The following MID1 variants were observed in gnomAD, a reference collection of about 807,000 sequenced individuals.
MID1 encodes the protein E3 ubiquitin-protein ligase Midline-1.
A neutral mutation model predicts 40.4 loss-of-function variants in MID1; 7 were observed. That is an observed-to-expected ratio of 0.17 (90% confidence interval 0.10 to 0.33). The LOEUF (loss-of-function observed/expected upper bound fraction) is 0.33. Ranked by LOEUF, MID1 falls within the 10% of genes least tolerant of loss-of-function variation. MID1 has a pLI of 1.00. For synonymous variants in MID1, 229 were observed against 221.2 expected (o/e 1.04, Z -0.31); for missense variants, 367 against 558.5 (o/e 0.66, Z 3.46).
At chrX:10,740,295 C>A (rs774217879) in intron 1 of MID1, among the ~76,000 whole-genome samples, 1 of 113,071 alleles carries the variant, frequency 8.8e-6, no homozygotes, top group South Asian at 3.6e-4. Context: ...ATTTTCCCAA[C>A]ATTGCTATGA....
At chrX:10,735,761 C>G (rs1193955293) in intron 1 of MID1, among the ~76,000 whole-genome samples, 2 of 111,368 alleles carry the variant, frequency 1.8e-5, no homozygotes, top group Admixed American at 9.5e-5. Flanking sequence ...ATGATCATGA[C>G]TCACTGCAGC....
intron 5 of MID1, among the ~76,000 whole-genome samples, chrX:10,480,246 G>A (rs1249174059): frequency 8.9e-6 from 1 of 112,477 alleles, no homozygotes; most frequent in Non-Finnish European, 1.9e-5. Context: ...AGTTGGGCTT[G>A]TTATAGAGAG....
chrX:10,760,110 A>C (rs138857808), intron 1 of MID1, among the ~76,000 whole-genome samples: 63 of 111,970 alleles, frequency 5.6e-4, no homozygotes, highest in African/African-American at 1.9e-3. Flanking sequence ...CATCAAGTCG[A>C]TCACAAATTA....
At chrX:10,505,895 T>A in intron 3 of MID1, 1 of 754,092 alleles carries the variant, frequency 1.3e-6, no homozygotes, top group Non-Finnish European at 1.6e-6. Flanking sequence ...GGGTTTCAGT[T>A]ACTCAGGTAT....
In MID1 at chrX:10,475,713, C is replaced by A. The variant is rs145887518; in HGVS notation, c.1014-963G>T. On this transcript the variant is annotated intron_variant, in intron 5 of 9. Coordinates refer to ENST00000317552, the MANE Select transcript of MID1 (RefSeq NM_000381.4). Reference sequence around the variant, plus strand: ...AAGAGCTATTATATGCGGAGTATTGCGTAGGATGCTGGGAATTTTTGAGCA... The same window carrying A: ...AAGAGCTATTATATGCGGAGTATTGAGTAGGATGCTGGGAATTTTTGAGCA... Among the ~76,000 whole-genome samples, 33 of 111,929 alleles carry A rather than the reference C, an allele frequency of 2.9e-4. No homozygotes were observed. The East Asian group carries it at 3.3e-3, about 11-fold the overall frequency.
At position 10,505,725 on chromosome X, in the gene MID1, G is replaced by A. The variant is rs1316750044; in HGVS notation, c.757-10034C>T. Reference sequence around the variant, plus strand: ...AGGTGACGTGTTTAAGGGAAGGGAAGTTATTTCTAATGGAAAGAGGAAACC... The same window carrying A: ...AGGTGACGTGTTTAAGGGAAGGGAAATTATTTCTAATGGAAAGAGGAAACC... On this transcript the variant is annotated intron_variant, in intron 3 of 9. Transcript: ENST00000317552. The A allele has an allele frequency of 4.0e-6, 3 of 752,410 alleles. No homozygotes were observed. In the Admixed American group the frequency reaches 2.6e-4, roughly 66 times the overall value. 62.0% of individuals were successfully genotyped at this position (752,410 alleles called of 1,213,427 possible).
intron 1 of MID1, among the ~76,000 whole-genome samples, chrX:10,764,899 T>C: frequency 8.9e-6 from 1 of 112,017 alleles, no homozygotes; most frequent in Non-Finnish European, 1.9e-5. Flanking sequence ...TGGTAATATA[T>C]ATTTTTCCCA....
chrX:10,583,815 G>A (rs1447449870), intron 1 of MID1, among the ~76,000 whole-genome samples: 4 of 110,278 alleles, frequency 3.6e-5, no homozygotes, highest in Admixed American at 9.7e-5. Context: ...GGTGGATCAC[G>A]ACATTAGGAG....
rs569529562 is a variant in MID1, at chrX:10,625,973, G to A, written c.-186-5554C>T. On this transcript the variant is annotated intron_variant, in intron 1 of 10. Coordinates refer to the MID1 transcript ENST00000380785. ...CCCATCTAAATTGTAGCAGGAGGAT[G>A]GAGGAGTCCTGGAGTTAGGACTCTG... 2.7e-5 allele frequency among the ~76,000 whole-genome samples: 3 copies of A among 111,613 alleles called. No individual in the cohort carries two copies. In the South Asian group the frequency reaches 1.1e-3, roughly 42 times the overall value.
intron 3 of MID1, chrX:10,501,654 A>C: frequency 4.1e-6 from 3 of 723,519 alleles, no homozygotes; most frequent in Non-Finnish European, 5.9e-6. Flanking sequence ...GGAATTCAGC[A>C]TTGAGGGTCA....
At chrX:10,546,311 T>C (rs1418523916) in intron 2 of MID1, among the ~76,000 whole-genome samples, 1 of 112,733 alleles carries the variant, frequency 8.9e-6, no homozygotes, top group East Asian at 2.8e-4. Flanking sequence ...AACAGTTGAT[T>C]CAATTTTGAA....
intron 1 of MID1, among the ~76,000 whole-genome samples, chrX:10,594,900 A>G (rs1051805123): frequency 4.5e-5 from 5 of 111,522 alleles, no homozygotes; most frequent in African/African-American, 9.9e-5. Context: ...GAATGCATCA[A>G]TATTCCTAAC....
chrX:10,578,087 T>C (rs1315187567), intron 1 of MID1, among the ~76,000 whole-genome samples: 1 of 112,775 alleles, frequency 8.9e-6, no homozygotes, highest in Non-Finnish European at 1.9e-5. Context: ...TTATTGCCAT[T>C]GCAACACTTC....
chrX:10,560,247 A>T (rs1012118346), intron 2 of MID1, among the ~76,000 whole-genome samples: 19 of 110,398 alleles, frequency 1.7e-4, no homozygotes, highest in African/African-American at 6.3e-4. Context: ...AGAACTATGA[A>T]GAGGACTTGA....
intron 6 of MID1, among the ~76,000 whole-genome samples, chrX:10,473,636 G>A (rs1222506539): frequency 8.9e-6 from 1 of 112,297 alleles, no homozygotes; most frequent in Non-Finnish European, 1.9e-5. Flanking sequence ...ACACAGAATT[G>A]GAATTGAGAA....
intron 1 of MID1, among the ~76,000 whole-genome samples, chrX:10,605,738 A>T (rs1245759929): frequency 8.9e-6 from 1 of 111,954 alleles, no homozygotes; most frequent in Non-Finnish European, 1.9e-5. Context: ...TCTGCATTTC[A>T]GTGTATTCTT....
intron 7 of MID1, among the ~76,000 whole-genome samples, chrX:10,467,184 A>T (rs1929432601): frequency 8.9e-6 from 1 of 112,034 alleles, no homozygotes; most frequent in South Asian, 3.7e-4. Flanking sequence ...TTGTGCTGAA[A>T]TGGAATGATA....
At chrX:10,825,242 C>G (rs1456541056) in intron 1 of MID1, among the ~76,000 whole-genome samples, 1 of 111,637 alleles carries the variant, frequency 9.0e-6, no homozygotes, top group African/African-American at 3.3e-5. Flanking sequence ...AATGCAACAC[C>G]TGCACAAAGG....
At chrX:10,627,389 C>T (rs960413345) in intron 1 of MID1, among the ~76,000 whole-genome samples, 4 of 112,147 alleles carry the variant, frequency 3.6e-5, no homozygotes, top group African/African-American at 1.3e-4. Context: ...AGTTTTTCCA[C>T]ATGTAACCAG....
Sources: gnomAD v4.1 joint callset for allele counts (sites outside exome capture counted in the v4.1 genomes callset) on GRCh38, gnomAD v4.1.1 for gene constraint, MANE v1.5 for transcripts, NCBI Gene and HGNC (gene_info 2026-07-23, HGNC 2026-07-21) for gene names.